The following CAMK1D variants were observed in gnomAD, a reference collection of about 807,000 sequenced individuals.
CAMK1D encodes the protein calcium/calmodulin dependent protein kinase ID.
CAMK1D carries 9 observed loss-of-function variants against 47.7 expected under a neutral mutation model. That is an observed-to-expected ratio of 0.19 (90% CI 0.11 to 0.33). The LOEUF is 0.33. CAMK1D is among the 10% of genes least tolerant of loss of function. The pLI is 1.00. For missense variants in CAMK1D, 291 were observed against 488.7 expected (o/e 0.60, Z 3.81); for synonymous variants, 184 against 184.9 (o/e 0.99, Z 0.04).
chr10:12,349,985 C>A (rs1837300273), intron 1 of CAMK1D, 75 bp downstream of exon 1: 1 of 701,614 alleles, frequency 1.4e-6, no homozygotes, highest in Non-Finnish European at 2.2e-6. Context: ...GCTGCCGCCG[C>A]CGCCACTACC....
chr10:12,723,726 A>G (rs1305381256), intron 3 of CAMK1D, among the ~76,000 whole-genome samples: 2 of 152,096 alleles, frequency 1.3e-5, no homozygotes, highest in Non-Finnish European at 1.5e-5. Flanking sequence ...CTCTATTAGC[A>G]GGTTTTGTTG....
intron 1 of CAMK1D, among the ~76,000 whole-genome samples, chr10:12,506,419 CAAAAA>C (rs912235700): frequency 4.6e-5 from 7 of 151,964 alleles, no homozygotes; most frequent in African/African-American, 1.2e-4. Context: ...GACTCTGTCT[CAAAAA>C]GAAAAGATAA....
intron 2 of CAMK1D, among the ~76,000 whole-genome samples, chr10:12,643,972 C>G (rs1839747233): frequency 6.6e-6 from 1 of 152,006 alleles, no homozygotes; most frequent in Non-Finnish European, 1.5e-5. Context: ...GGAAAACAAG[C>G]TCAGAGCTCC....
chr10:12,745,232 G>A (rs373946354), intron 3 of CAMK1D, among the ~76,000 whole-genome samples: 21 of 151,950 alleles, frequency 1.4e-4, no homozygotes, highest in Admixed American at 1.3e-4. Context: ...GGGTTTCACC[G>A]TGTTAGCCAG....
chr10:12,513,667 G>T (rs1835105026), intron 1 of CAMK1D, among the ~76,000 whole-genome samples: 1 of 152,052 alleles, frequency 6.6e-6, no homozygotes, highest in Non-Finnish European at 1.5e-5. Context: ...CAGGTGTGGT[G>T]GCATGCATCT....
chr10:12,376,804 A>G (rs1838196430), intron 1 of CAMK1D, among the ~76,000 whole-genome samples: 1 of 148,792 alleles, frequency 6.7e-6, no homozygotes, highest in Non-Finnish European at 1.5e-5. Flanking sequence ...CCCAGGCTGG[A>G]GTACAGTGGC....
intron 2 of CAMK1D, among the ~76,000 whole-genome samples, chr10:12,618,916 G>A (rs1002840165): frequency 6.6e-6 from 1 of 152,222 alleles, no homozygotes; most frequent in African/African-American, 2.4e-5. Flanking sequence ...AGGCAGTTCA[G>A]AGTGGCTAAG....
chr10:12,390,251 A>G (rs1838676776), intron 1 of CAMK1D, among the ~76,000 whole-genome samples: 1 of 152,120 alleles, frequency 6.6e-6, no homozygotes. Flanking sequence ...TAAAAATTAA[A>G]AAAAAAGATG....
intron 1 of CAMK1D, among the ~76,000 whole-genome samples, chr10:12,538,128 G>A (rs866111356): frequency 2.0e-5 from 3 of 152,294 alleles, no homozygotes; most frequent in Middle Eastern, 3.4e-3. Flanking sequence ...GGAAGGCACC[G>A]TCAGCCACTA....
At chr10:12,714,148 C>T (rs1272873027) in intron 3 of CAMK1D, among the ~76,000 whole-genome samples, 2 of 152,190 alleles carry the variant, frequency 1.3e-5, no homozygotes, top group Non-Finnish European at 2.9e-5. Flanking sequence ...GGGCTGCTGA[C>T]TTGGAAGGTG....
chr10:12,396,716 C>T (rs1340153487), intron 1 of CAMK1D, among the ~76,000 whole-genome samples: 3 of 152,176 alleles, frequency 2.0e-5, no homozygotes, highest in Middle Eastern at 3.2e-3. Context: ...GCAGGCTGTG[C>T]CTCTGCCCTT....
At chr10:12,464,067 T>C (rs1355981791) in intron 1 of CAMK1D, among the ~76,000 whole-genome samples, 1 of 152,194 alleles carries the variant, frequency 6.6e-6, no homozygotes, top group African/African-American at 2.4e-5. Flanking sequence ...TCACTCAGAC[T>C]CAGGCAGTTC....
chr10:12,707,879 C>T (rs1426038013), intron 3 of CAMK1D, among the ~76,000 whole-genome samples: 2 of 152,158 alleles, frequency 1.3e-5, no homozygotes, highest in African/African-American at 4.8e-5. Flanking sequence ...CCAAGGCCTT[C>T]TGTTGGGAGG....
rs141911218 is a variant in CAMK1D, at chr10:12,793,370, A to G, written c.641+2137A>G. Among the ~76,000 whole-genome samples, 1,180 of 152,264 alleles carry G rather than the reference A, an allele frequency of 7.7e-3. 9 individuals are homozygous for G. The highest frequency in any genetic ancestry group is 0.027 in the African/African-American group (1,120 of 41,546). ...TGTATAATTATTTCCCTGAAGTTAC[A>G]GCCTTGGGGTGGGGCATTGGTACAG... is the stretch of plus-strand genomic sequence containing the variant. On this transcript the variant is annotated intron_variant, in intron 6 of 10. Coordinates refer to ENST00000619168, the MANE Select transcript of CAMK1D (RefSeq NM_153498.4).
intron 1 of CAMK1D, among the ~76,000 whole-genome samples, chr10:12,477,245 G>A (rs529315839): frequency 1.3e-5 from 2 of 152,100 alleles, no homozygotes; most frequent in African/African-American, 4.8e-5. Flanking sequence ...GTGAAACCCC[G>A]TCTCTACTAA....
At chr10:12,741,423 A>G (rs1835422762) in intron 3 of CAMK1D, among the ~76,000 whole-genome samples, 1 of 152,160 alleles carries the variant, frequency 6.6e-6, no homozygotes, top group Non-Finnish European at 1.5e-5. Context: ...CAGGCTCCTG[A>G]CCCTGAGATT....
rs1346402778 is a variant in CAMK1D, at chr10:12,804,753, G to A, written c.642-9442G>A. 2.8e-5 allele frequency among the ~76,000 whole-genome samples: 4 copies of A among 144,270 alleles called. No individual in the cohort carries two copies. In the East Asian group the frequency reaches 8.2e-4, roughly 30 times the overall value. The allele number at this position is 144,270 out of a possible 152,430, so 94.6% of individuals were successfully genotyped here. ...GTTCGAGACCAGCCTGGGCAACACA[G>A]CAAGACCCTGTCTGTACCAAAAAAA... On this transcript the variant is annotated intron_variant, in intron 6 of 10. Transcript: ENST00000619168.
chr10:12,710,270 C>A (rs773290768), intron 3 of CAMK1D, among the ~76,000 whole-genome samples: 1 of 152,178 alleles, frequency 6.6e-6, no homozygotes, highest in African/African-American at 2.4e-5. Flanking sequence ...TGGATCCCGA[C>A]GTAATGACAT....
chr10:12,351,398 G>A (rs1049001471), intron 1 of CAMK1D, among the ~76,000 whole-genome samples: 3 of 152,178 alleles, frequency 2.0e-5, no homozygotes, highest in East Asian at 1.9e-4. Context: ...GTTTATTCGG[G>A]TTTGGGGTTG....
Sources: gnomAD v4.1 joint callset for allele counts (sites outside exome capture counted in the v4.1 genomes callset) on GRCh38, gnomAD v4.1.1 for gene constraint, MANE v1.5 for transcripts, NCBI Gene and HGNC (gene_info 2026-07-23, HGNC 2026-07-21) for gene names.